The following TCF7L2 variants were observed in gnomAD, a reference collection of about 807,000 sequenced individuals.
TCF7L2 encodes transcription factor 7-like 2.
A neutral mutation model predicts 77.9 loss-of-function variants in TCF7L2; 23 were observed. That is an observed-to-expected ratio of 0.30 (90% CI 0.21 to 0.42). The LOEUF is 0.42. Among genes scored for constraint, TCF7L2 ranks in the 10% least tolerant of loss-of-function variants. TCF7L2 has a pLI of 1.00. For missense variants in TCF7L2, 654 were observed against 793.1 expected (o/e 0.82, Z 2.11); for synonymous variants, 413 against 340.2 (o/e 1.21, Z -2.36).
chr10:112,961,389 A>G (rs905774722), intron 3 of TCF7L2, among the ~76,000 whole-genome samples: 1 of 152,112 alleles, frequency 6.6e-6, no homozygotes, highest in Non-Finnish European at 1.5e-5. Context: ...CTCACCTCAT[A>G]TTCCAAAGCA....
intron 4 of TCF7L2, among the ~76,000 whole-genome samples, chr10:112,983,641 T>C (rs530043936): frequency 6.6e-6 from 1 of 152,280 alleles, no homozygotes; most frequent in South Asian, 2.1e-4. Flanking sequence ...GAGTTTGTAA[T>C]AAGCGTGTAA....
At chr10:113,110,682 G>C (rs981305506) in intron 5 of TCF7L2, among the ~76,000 whole-genome samples, 8 of 152,074 alleles carry the variant, frequency 5.3e-5, no homozygotes, top group African/African-American at 1.9e-4. Context: ...ATGTTAAAAG[G>C]GTTCATGCCA....
intron 5 of TCF7L2, among the ~76,000 whole-genome samples, chr10:113,059,957 G>A (rs571799845): frequency 1.3e-5 from 2 of 152,246 alleles, no homozygotes; most frequent in South Asian, 4.1e-4. Flanking sequence ...AAATTTGAAT[G>A]TTAGCCTTGC....
chr10:113,084,901 A>ACC (rs199587613), intron 5 of TCF7L2, among the ~76,000 whole-genome samples: 37 of 124,058 alleles, frequency 3.0e-4, no homozygotes, highest in East Asian at 1.6e-3. Context: ...GTCTCAAGCC[A>ACC]CCCCCCCCCA....
At chr10:113,143,124 G>C (rs772233654) in intron 6 of TCF7L2, among the ~76,000 whole-genome samples, 1 of 152,246 alleles carries the variant, frequency 6.6e-6, no homozygotes, top group East Asian at 1.9e-4. Context: ...CTCTGTCAGA[G>C]TGGACTACAG....
chr10:112,952,789 A>T (rs11196168), intron 3 of TCF7L2, among the ~76,000 whole-genome samples: 28,966 of 151,552 alleles, frequency 0.19, 3,392 homozygotes, highest in Non-Finnish European at 0.26. Context: ...TCCCGCGCCC[A>T]ACCCTGACAT....
At chr10:113,094,649 A>G (rs1179003362) in intron 5 of TCF7L2, among the ~76,000 whole-genome samples, 1 of 152,254 alleles carries the variant, frequency 6.6e-6, no homozygotes, top group Non-Finnish European at 1.5e-5. Context: ...AATGTGATTT[A>G]AAAATCGTAG....
intron 4 of TCF7L2, among the ~76,000 whole-genome samples, chr10:112,976,449 A>G (rs1023371713): frequency 1.3e-5 from 2 of 152,162 alleles, no homozygotes; most frequent in African/African-American, 4.8e-5. Context: ...TCCTTGTTAC[A>G]TTTGACTAGA....
chr10:112,978,216 G>A (rs769552992), intron 4 of TCF7L2, among the ~76,000 whole-genome samples: 1 of 152,164 alleles, frequency 6.6e-6, no homozygotes, highest in Non-Finnish European at 1.5e-5. Flanking sequence ...TTGAAATGGA[G>A]TCTAGAAGGT....
Position 113,159,995 on chromosome 10 carries a change from G to A in TCF7L2, c.1319-624G>A. 1 of 1,613,908 alleles carries A rather than the reference G, an allele frequency of 6.2e-7. No individual in the cohort carries two copies. Among genetic ancestry groups the A allele is most frequent in the Non-Finnish European group, 8.5e-7 (1 of 1,179,962 alleles). ...AATAACTGGTGCGGCCCTTGCAGGT[G>A]TGTATAGTTTTCCAGATTCGCTGTG... On this transcript the variant is annotated intron_variant, in intron 12 of 13. Transcript: ENST00000627217.
intron 5 of TCF7L2, chr10:113,130,042 C>T: frequency 1.7e-6 from 2 of 1,169,540 alleles, no homozygotes; most frequent in Non-Finnish European, 2.2e-6. Flanking sequence ...TGTTCGTGTC[C>T]ATGCTTATGG....
intron 5 of TCF7L2, among the ~76,000 whole-genome samples, chr10:113,079,362 C>T (rs1004973779): frequency 1.3e-5 from 2 of 152,214 alleles, no homozygotes; most frequent in African/African-American, 4.8e-5. Flanking sequence ...GAGAGCTGCT[C>T]TGCTCAGGAG....
intron 5 of TCF7L2, among the ~76,000 whole-genome samples, chr10:113,096,951 G>A (rs1216095002): frequency 2.0e-5 from 3 of 152,132 alleles, no homozygotes; most frequent in Admixed American, 6.5e-5. Context: ...CCCCCTGCTC[G>A]GCTTCTGCTC....
intron 5 of TCF7L2, among the ~76,000 whole-genome samples, chr10:113,134,768 T>C (rs2067151596): frequency 6.6e-6 from 1 of 152,226 alleles, no homozygotes; most frequent in South Asian, 2.1e-4. Flanking sequence ...TGTCCCTTCC[T>C]GATGCTGATT....
At chr10:112,984,468 G>A (rs2041108392) in intron 4 of TCF7L2, among the ~76,000 whole-genome samples, 1 of 152,000 alleles carries the variant, frequency 6.6e-6, no homozygotes, top group African/African-American at 2.4e-5. Flanking sequence ...CTCTTTAATT[G>A]GTTAGTTCCT....
At chr10:112,973,848 C>CCGCTGGCCGT (rs1339774354) in intron 4 of TCF7L2, among the ~76,000 whole-genome samples, 13 of 152,270 alleles carry the variant, frequency 8.5e-5, no homozygotes, top group Admixed American at 4.6e-4. Flanking sequence ...CCTTGGCCTC[C>CCGCTGGCCGT]CAAAGTACTG....
At chr10:113,147,926 G>A (rs1016317095) in intron 8 of TCF7L2, among the ~76,000 whole-genome samples, 2 of 152,114 alleles carry the variant, frequency 1.3e-5, no homozygotes, top group Non-Finnish European at 2.9e-5. Flanking sequence ...GGGAGAGGCG[G>A]CCGACTCCCC....
At chr10:112,984,694 T>G (rs4297396) in intron 4 of TCF7L2, among the ~76,000 whole-genome samples, 32,105 of 151,988 alleles carry the variant, frequency 0.21, 4,546 homozygotes, top group East Asian at 0.68. Flanking sequence ...AGGGAGAGGA[T>G]GAAGCTTAGT....
intron 5 of TCF7L2, among the ~76,000 whole-genome samples, chr10:113,071,454 C>T (rs111549119): frequency 4.3e-4 from 65 of 152,210 alleles, no homozygotes; most frequent in African/African-American, 1.5e-3. Context: ...GATATGGTAC[C>T]GATTCCCTTG....
Sources: gnomAD v4.1 joint callset for allele counts (sites outside exome capture counted in the v4.1 genomes callset) on GRCh38, gnomAD v4.1.1 for gene constraint, MANE v1.5 for transcripts, NCBI Gene and HGNC (gene_info 2026-07-23, HGNC 2026-07-21) for gene names.